Variants in BRI3 observed in about 807,000 individuals in gnomAD.
The protein encoded by BRI3 is membrane protein BRI3.
A neutral mutation model predicts 12.8 loss-of-function variants in BRI3; 6 were observed. The ratio of observed to expected loss-of-function variants is 0.47; its 90% CI spans 0.26 to 0.93. The LOEUF is 0.93. Ranked by LOEUF, BRI3 falls within the 40% of genes least tolerant of loss-of-function variation. The pLI, the probability that BRI3 is intolerant of heterozygous loss-of-function variation, is 0.15. For missense variants in BRI3, 134 were observed against 171.1 expected (o/e 0.78, Z 1.21); for synonymous variants, 91 against 76.1 (o/e 1.20, Z -1.02).
chr7:98,312,249 T>A (rs986612919), downstream of BRI3: 7 of 1,612,014 alleles, frequency 4.3e-6, no homozygotes, highest in Non-Finnish European at 5.9e-6. Context: ...AGCTTGGAAT[T>A]CAGTAGTTCT....
chr7:98,308,432 G>A (rs1183683349), exon 2 of BRI3: 2 of 373,938 alleles, frequency 5.3e-6, no homozygotes, highest in Non-Finnish European at 1.1e-5. Flanking sequence ...TCCTCACCAG[G>A]TGCCAGTCAC....
chr7:98,309,883 T>G (rs1800805746), exon 2 of BRI3: 1 of 149,530 alleles, frequency 6.7e-6, no homozygotes, highest in African/African-American at 2.7e-5. Flanking sequence ...TTTTTGTCAC[T>G]GTGTCACCCA....
upstream of BRI3, among the ~76,000 whole-genome samples, chr7:98,303,640 G>A (rs1800516786): frequency 6.6e-6 from 1 of 152,186 alleles, no homozygotes; most frequent in Non-Finnish European, 1.5e-5. Context: ...GTGCGGTGGC[G>A]GGAATGGATG....
chr7:98,317,539 G>A, the BRI3 span, among the ~76,000 whole-genome samples: 4 of 149,962 alleles, frequency 2.7e-5, no homozygotes, highest in Admixed American at 6.7e-5. Context: ...CCTGCTGGCC[G>A]GGGTCCCATG....
chr7:98,308,594 G>A (rs888307096), exon 2 of BRI3: 5 of 287,970 alleles, frequency 1.7e-5, no homozygotes, highest in Non-Finnish European at 3.5e-5. Context: ...CCATGAGCAC[G>A]AGGCTGTGCT....
At chr7:98,287,845 C>G (rs974140491) in intron 2 of BRI3, among the ~76,000 whole-genome samples, 1 of 152,206 alleles carries the variant, frequency 6.6e-6, no homozygotes, top group Non-Finnish European at 1.5e-5. Context: ...GTCTCTGCTG[C>G]GCCCCATGGG....
chr7:98,304,242 G>T, upstream of BRI3: 2 of 1,613,108 alleles, frequency 1.2e-6, no homozygotes, highest in Non-Finnish European at 1.7e-6. Context: ...AAAGGTGGAT[G>T]TCGTCCTGGC....
downstream of BRI3, among the ~76,000 whole-genome samples, chr7:98,297,622 T>G (rs1003453234): frequency 7.2e-5 from 11 of 152,358 alleles, no homozygotes; most frequent in African/African-American, 2.6e-4. Context: ...CGGACTTGTC[T>G]TCCAGTTCAC....
chr7:98,282,483 C>T (rs758975313), intron 2 of BRI3, 30 bp downstream of exon 2: 19 of 1,586,926 alleles, frequency 1.2e-5, no homozygotes, highest in Non-Finnish European at 1.5e-5. Context: ...GGGGACTGGC[C>T]CTGGAAGCTC....
exon 2 of BRI3, chr7:98,307,777 G>A (rs1800715944): frequency 6.2e-7 from 1 of 1,614,260 alleles, no homozygotes; most frequent in Non-Finnish European, 8.5e-7. Flanking sequence ...GCAAAGCTGA[G>A]TAAGGTCTTG....
chr7:98,316,876 T>C, the BRI3 span, among the ~76,000 whole-genome samples: 3 of 152,056 alleles, frequency 2.0e-5, no homozygotes, highest in Non-Finnish European at 1.5e-5. Flanking sequence ...ACTTTTTTTT[T>C]TTTTTGAGAT....
downstream of BRI3, among the ~76,000 whole-genome samples, chr7:98,297,157 G>A (rs1258634883): frequency 6.6e-6 from 1 of 152,238 alleles, no homozygotes; most frequent in Non-Finnish European, 1.5e-5. Context: ...CCAAGCGGCT[G>A]ACTGCGGCCA....
upstream of BRI3, among the ~76,000 whole-genome samples, chr7:98,303,671 G>T (rs142948191): frequency 3.8e-3 from 572 of 152,252 alleles, 9 homozygotes; most frequent in African/African-American, 0.013. Context: ...GGGAGCCCAG[G>T]ACCTCCATGC....
the BRI3 span, chr7:98,317,406 TCA>T: frequency 5.2e-4 from 827 of 1,603,550 alleles, 1 homozygote; most frequent in Non-Finnish European, 6.5e-4. Context: ...ACACGAATTG[TCA>T]CACAGTTTGC....
At chr7:98,293,925 G>A (rs565555378), downstream of BRI3, 621 of 923,940 alleles carry the variant, frequency 6.7e-4, 4 homozygotes, top group Middle Eastern at 2.1e-3. Flanking sequence ...TTGGTAAAGC[G>A]AGCAGGGGGC....
At chr7:98,292,014 G>GTTGT (rs1799978494), downstream of BRI3, 1 of 153,520 alleles carries the variant, frequency 6.5e-6, no homozygotes, top group East Asian at 1.9e-4. Flanking sequence ...ACAGACTGGG[G>GTTGT]TTGTTAACAT....
At chr7:98,309,337 T>C (rs1162193777) in exon 2 of BRI3, 1 of 151,990 alleles carries the variant, frequency 6.6e-6, no homozygotes, top group Non-Finnish European at 1.5e-5. Flanking sequence ...GTATTTTTAG[T>C]AGAGACAGGG....
chr7:98,308,984 T>G (rs1480847050), exon 2 of BRI3: 1 of 151,720 alleles, frequency 6.6e-6, no homozygotes, highest in Admixed American at 6.6e-5. Flanking sequence ...TGGCCGTTTT[T>G]TTTTTCCATT....
intron 2 of BRI3, among the ~76,000 whole-genome samples, chr7:98,288,245 C>T (rs1286631215): frequency 1.3e-5 from 2 of 152,316 alleles, no homozygotes; most frequent in Non-Finnish European, 2.9e-5. Context: ...CCCCCGGAAC[C>T]TGTCATGGCC....
Sources: gnomAD v4.1 joint callset for allele counts (sites outside exome capture counted in the v4.1 genomes callset) on GRCh38, gnomAD v4.1.1 for gene constraint, MANE v1.5 for transcripts, NCBI Gene and HGNC (gene_info 2026-07-23, HGNC 2026-07-21) for gene names.